Variants in HS3ST4 observed in about 807,000 individuals in gnomAD.
HS3ST4 encodes the protein heparan sulfate-glucosamine 3-sulfotransferase 4.
In HS3ST4, 17 loss-of-function variants were observed where a neutral mutation model predicts 29.2. That is an observed-to-expected ratio of 0.58 (90% confidence interval 0.40 to 0.87). The LOEUF (loss-of-function observed/expected upper bound fraction) is 0.87. Among genes scored for constraint, HS3ST4 ranks in the 40% least tolerant of loss-of-function variants. The pLI is 0.00. For missense variants in HS3ST4, 627 were observed against 634.5 expected (o/e 0.99, Z 0.13); for synonymous variants, 314 against 285.7 (o/e 1.10, Z -1.00).
intron 1 of HS3ST4, among the ~76,000 whole-genome samples, chr16:25,883,599 A>G (rs548473914): frequency 3.3e-5 from 5 of 152,330 alleles, no homozygotes; most frequent in African/African-American, 1.2e-4. Flanking sequence ...ATGGGAACCT[A>G]TGTGTCTTCT....
intron 1 of HS3ST4, among the ~76,000 whole-genome samples, chr16:25,794,363 G>A (rs1294348301): frequency 6.6e-6 from 1 of 151,778 alleles, no homozygotes; most frequent in Non-Finnish European, 1.5e-5. Flanking sequence ...TGGGATATGG[G>A]ATCATTTTCC....
At chr16:25,978,427 A>G (rs1471934331) in intron 1 of HS3ST4, among the ~76,000 whole-genome samples, 1 of 152,224 alleles carries the variant, frequency 6.6e-6, no homozygotes, top group Non-Finnish European at 1.5e-5. Flanking sequence ...GACAACACCA[A>G]ATGTGCATGT....
At chr16:26,100,444 T>G (rs1432957940) in intron 1 of HS3ST4, among the ~76,000 whole-genome samples, 1 of 152,168 alleles carries the variant, frequency 6.6e-6, no homozygotes, top group Non-Finnish European at 1.5e-5. Flanking sequence ...GCAAATGCTA[T>G]TTGGGGCCCT....
rs947362301 is a variant in HS3ST4 at position 26,032,440 on chromosome 16, A to G, written c.735-103172A>G. On this transcript the variant is annotated intron_variant, in intron 1 of 1. Transcript: ENST00000331351. ...CAACATAGCTTTAAAAAAAAAAAAA[A>G]GTAAAACAAAATTCCACATTTTTAT... 79 of 841,584 alleles carry G rather than the reference A, an allele frequency of 9.4e-5. No individual in the cohort carries two copies. The African/African-American group carries it at 1.3e-3, about 14-fold the overall frequency. 52.1% of individuals were successfully genotyped at this position (841,584 alleles called of 1,614,324 possible). A position where few individuals can be genotyped will look rare whatever the true frequency, so the allele number is the denominator to read the frequency against.
intron 1 of HS3ST4, among the ~76,000 whole-genome samples, chr16:26,051,909 C>A (rs1225113563): frequency 2.3e-5 from 3 of 131,156 alleles, no homozygotes; most frequent in Non-Finnish European, 4.8e-5. Flanking sequence ...TCCCTCCCTC[C>A]CTCCCTTCCT....
At chr16:25,838,585 T>A (rs1967383925) in intron 1 of HS3ST4, among the ~76,000 whole-genome samples, 1 of 152,218 alleles carries the variant, frequency 6.6e-6, no homozygotes, top group Non-Finnish European at 1.5e-5. Flanking sequence ...TTCCACAGTG[T>A]CCTTAGTTGG....
chr16:25,884,414 C>T (rs916136641), intron 1 of HS3ST4, among the ~76,000 whole-genome samples: 2 of 152,186 alleles, frequency 1.3e-5, no homozygotes, highest in Non-Finnish European at 2.9e-5. Context: ...CACATGTGCC[C>T]GCAGGCAAAG....
chr16:25,927,787 C>T (rs1182907967), intron 1 of HS3ST4, among the ~76,000 whole-genome samples: 7 of 151,918 alleles, frequency 4.6e-5, no homozygotes, highest in African/African-American at 1.7e-4. Flanking sequence ...CTCCATTCAT[C>T]CATCAATTCA....
intron 1 of HS3ST4, among the ~76,000 whole-genome samples, chr16:25,728,663 A>G (rs931145063): frequency 1.3e-5 from 2 of 152,192 alleles, no homozygotes; most frequent in African/African-American, 4.8e-5. Context: ...CGCCCTCAGT[A>G]ATACGGAATC....
chr16:25,932,360 C>T (rs895152950), intron 1 of HS3ST4, among the ~76,000 whole-genome samples: 8 of 152,190 alleles, frequency 5.3e-5, no homozygotes, highest in African/African-American at 1.9e-4. Context: ...TGCTCTCTAT[C>T]CCCACAAATT....
At chr16:26,094,069 G>A (rs1045860760) in intron 1 of HS3ST4, among the ~76,000 whole-genome samples, 5 of 152,170 alleles carry the variant, frequency 3.3e-5, no homozygotes, top group Admixed American at 6.5e-5. Context: ...AGAGAGAAAA[G>A]AGTAAAAAGA....
chr16:26,116,109 A>G (rs1899198130), intron 1 of HS3ST4, among the ~76,000 whole-genome samples: 1 of 152,306 alleles, frequency 6.6e-6, no homozygotes, highest in Non-Finnish European at 1.5e-5. Context: ...ATCAGAAAAG[A>G]TCCTCTTGCA....
chr16:25,779,426 C>CTTTCCT, intron 1 of HS3ST4, among the ~76,000 whole-genome samples: 1 of 152,346 alleles, frequency 6.6e-6, no homozygotes, highest in South Asian at 2.1e-4. Context: ...TAAGTCTGAT[C>CTTTCCT]TTGAAGCCCA....
At chr16:25,992,578 A>T (rs1028037318) in intron 1 of HS3ST4, among the ~76,000 whole-genome samples, 1 of 152,212 alleles carries the variant, frequency 6.6e-6, no homozygotes, top group Non-Finnish European at 1.5e-5. Flanking sequence ...TATTCAAAAT[A>T]TACAGTCTTC....
chr16:26,109,239 T>C (rs1899095900), intron 1 of HS3ST4, among the ~76,000 whole-genome samples: 2 of 152,130 alleles, frequency 1.3e-5, no homozygotes, highest in South Asian at 4.2e-4. Context: ...GGCAGGTTGT[T>C]GAGGCAGTAA....
intron 1 of HS3ST4, among the ~76,000 whole-genome samples, chr16:25,754,676 G>A (rs1269060592): frequency 6.6e-6 from 1 of 152,128 alleles, no homozygotes; most frequent in Non-Finnish European, 1.5e-5. Context: ...GAAGGGGAAA[G>A]CCCCTTTAAA....
chr16:25,830,413 C>T (rs148618130), intron 1 of HS3ST4, among the ~76,000 whole-genome samples: 37 of 152,290 alleles, frequency 2.4e-4, no homozygotes, highest in African/African-American at 7.9e-4. Flanking sequence ...CTCTGTCTTG[C>T]CCACATCTTC....
rs1966261929 is a variant in HS3ST4, at chr16:25,692,632, C to T, written c.215C>T (p.Ala72Val). 1 of 1,366,350 alleles carries T rather than the reference C, an allele frequency of 7.3e-7. No individual in the cohort carries two copies. The highest frequency in any genetic ancestry group is 1.5e-5 in the African/African-American group (1 of 66,328). 84.6% of individuals were successfully genotyped at this position (1,366,350 alleles called of 1,614,324 possible). Reference sequence around the variant, plus strand: ...GCGCTGCAGGAGTCGCCGGGCGCCGCCGCCGAGCCCCCGCCGAGCCCGCCG... The same window carrying T: ...GCGCTGCAGGAGTCGCCGGGCGCCGTCGCCGAGCCCCCGCCGAGCCCGCCG... ...PLALQESPGAAAEPPPSPPPP... is the reference protein window; with the variant it reads ...PLALQESPGAVAEPPPSPPPP... Residue 72 changes from alanine to valine, a missense_variant, in exon 1 of 2, where the codon GCC (alanine) becomes GTC (valine). Transcript: ENST00000331351.
At chr16:26,059,253 T>C (rs552416168) in intron 1 of HS3ST4, among the ~76,000 whole-genome samples, 1 of 151,840 alleles carries the variant, frequency 6.6e-6, no homozygotes, top group East Asian at 1.9e-4. Context: ...GGCTGTTTTT[T>C]CCCTTCCTCC....
Sources: gnomAD v4.1 joint callset for allele counts (sites outside exome capture counted in the v4.1 genomes callset) on GRCh38, gnomAD v4.1.1 for gene constraint, MANE v1.5 for transcripts, NCBI Gene and HGNC (gene_info 2026-07-23, HGNC 2026-07-21) for gene names.